Variants in PEX5L observed in about 807,000 individuals in gnomAD.
PEX5L encodes the protein PEX5-related protein.
A neutral mutation model predicts 84.0 loss-of-function variants in PEX5L; 30 were observed. The ratio of observed to expected loss-of-function variants is 0.36; its 90% confidence interval spans 0.27 to 0.48. PEX5L has a LOEUF of 0.48. Among genes scored for constraint, PEX5L ranks in the 20% least tolerant of loss-of-function variants. The pLI is 0.99. For missense variants in PEX5L, 533 were observed against 754.6 expected (o/e 0.71, Z 3.44); for synonymous variants, 270 against 283.1 (o/e 0.95, Z 0.46).
At chr3:179,888,119 C>T (rs1052326842) in intron 3 of PEX5L, 3 of 1,290,236 alleles carry the variant, frequency 2.3e-6, no homozygotes, top group Non-Finnish European at 3.0e-6. Flanking sequence ...CCACTCCTCA[C>T]CTGGACAAAA....
In PEX5L at chr3:179,973,910, G is replaced by A. The variant is rs1039418798; in HGVS notation, c.22-2245C>T. 5 of 985,266 alleles carry A rather than the reference G, an allele frequency of 5.1e-6. No individual in the cohort carries two copies. The African/African-American group carries it at 7.0e-5, about 14-fold the overall frequency. 61.0% of individuals were successfully genotyped at this position (985,266 alleles called of 1,614,324 possible). On this transcript the variant is annotated intron_variant, in intron 1 of 14. Transcript: ENST00000467460. The stretch of plus-strand genomic sequence containing the variant: ...ACAGCACACAACAGTACACAAAGCT[G>A]GAGCCTTACAGTTTTACTCTAGAAT...
intron 3 of PEX5L, among the ~76,000 whole-genome samples, chr3:179,888,426 T>C (rs1255594251): frequency 1.3e-5 from 2 of 152,222 alleles, no homozygotes. Context: ...TTGTAAAATA[T>C]ATCTCGGTAG....
chr3:179,869,307 G>A (rs1041507094), intron 7 of PEX5L, among the ~76,000 whole-genome samples: 1 of 152,174 alleles, frequency 6.6e-6, no homozygotes, highest in African/African-American at 2.4e-5. Context: ...TAACCTATTT[G>A]TGGAGAAGGG....
chr3:179,874,132 CATAT>C lies in PEX5L; in HGVS notation c.726+191_726+194del, dbSNP rs10641654. 4.4e-3 allele frequency among the ~76,000 whole-genome samples: 652 copies of C among 149,604 alleles called. 2 individuals carry two copies. Among genetic ancestry groups the C allele is most frequent in the Non-Finnish European group, 6.9e-3 (464 of 67,430 alleles). The stretch of plus-strand genomic sequence containing the variant: ...TTTTCCAGCCAAATGTGTAGATATA[CATAT>C]ATATATATATATACACACACACCTA... On this transcript the variant is annotated intron_variant, in intron 7 of 14. Transcript: ENST00000467460.
chr3:179,824,517 C>A (rs1319931419), intron 8 of PEX5L, among the ~76,000 whole-genome samples: 2 of 151,952 alleles, frequency 1.3e-5, no homozygotes, highest in African/African-American at 2.4e-5. Flanking sequence ...ACCGGCCTGA[C>A]CAACATGGAG....
chr3:179,940,459 C>A (rs1412621418), intron 2 of PEX5L, among the ~76,000 whole-genome samples: 2 of 152,070 alleles, frequency 1.3e-5, no homozygotes, highest in African/African-American at 4.8e-5. Flanking sequence ...GAGAGACTTT[C>A]TGCATGAAGT....
At chr3:179,979,032 T>G (rs1288268071) in intron 1 of PEX5L, among the ~76,000 whole-genome samples, 1 of 152,184 alleles carries the variant, frequency 6.6e-6, no homozygotes, top group Non-Finnish European at 1.5e-5. Context: ...TAATCACCTC[T>G]GGTACCTGCA....
chr3:179,903,401 A>T (rs1348923770), intron 2 of PEX5L, among the ~76,000 whole-genome samples: 1 of 151,940 alleles, frequency 6.6e-6, no homozygotes, highest in Admixed American at 6.6e-5. Context: ...AATTTAAAAA[A>T]ATTTTTTTCT....
intron 3 of PEX5L, among the ~76,000 whole-genome samples, chr3:179,895,175 CA>C (rs923084082): frequency 2.0e-5 from 3 of 151,984 alleles, no homozygotes; most frequent in African/African-American, 7.2e-5. Flanking sequence ...GCCAATATAT[CA>C]AAAAATCCAA....
At chr3:179,855,094 G>C (rs1743396721) in intron 8 of PEX5L, among the ~76,000 whole-genome samples, 1 of 152,130 alleles carries the variant, frequency 6.6e-6, no homozygotes, top group Non-Finnish European at 1.5e-5. Flanking sequence ...CTTGGGTGTG[G>C]GAGAGGAACA....
chr3:179,868,858 G>A (rs1749290394), intron 7 of PEX5L, among the ~76,000 whole-genome samples: 1 of 152,048 alleles, frequency 6.6e-6, no homozygotes, highest in Non-Finnish European at 1.5e-5. Flanking sequence ...CCTCAAGATG[G>A]TATATAAGCT....
At chr3:179,858,466 C>T (rs1030871111) in intron 8 of PEX5L, among the ~76,000 whole-genome samples, 1 of 151,360 alleles carries the variant, frequency 6.6e-6, no homozygotes, top group Non-Finnish European at 1.5e-5. Context: ...CTCTCTCTTT[C>T]TTATTAGAAG....
chr3:179,987,259 CCTTCCTTT>C (rs1226205920), intron 1 of PEX5L, among the ~76,000 whole-genome samples: 3 of 149,826 alleles, frequency 2.0e-5, no homozygotes, highest in Non-Finnish European at 3.0e-5. Context: ...TCCCTTCCTT[CCTTCCTTT>C]CTTCCTTCCT....
intron 1 of PEX5L, among the ~76,000 whole-genome samples, chr3:179,987,321 C>T (rs1049602973): frequency 6.6e-6 from 1 of 151,324 alleles, no homozygotes; most frequent in African/African-American, 2.4e-5. Flanking sequence ...TCCCTCTCTC[C>T]CTCTCCCCAT....
intron 2 of PEX5L, among the ~76,000 whole-genome samples, chr3:179,964,449 G>A (rs1002162301): frequency 2.0e-5 from 3 of 152,082 alleles, no homozygotes; most frequent in African/African-American, 7.2e-5. Context: ...TTGACAAATG[G>A]GACCTAATTA....
chr3:179,900,680 G>T, intron 2 of PEX5L: 1 of 1,534,944 alleles, frequency 6.5e-7, no homozygotes, highest in African/African-American at 1.4e-5. Flanking sequence ...CAAAGCCAGG[G>T]TCAGGTCACT....
At chr3:179,985,881 C>T (rs919743457) in intron 1 of PEX5L, among the ~76,000 whole-genome samples, 8 of 152,108 alleles carry the variant, frequency 5.3e-5, no homozygotes, top group African/African-American at 1.7e-4. Flanking sequence ...GTGGAGGCCG[C>T]ACTCGGGCTA....
At chr3:179,890,955 A>C (rs1285984688) in intron 3 of PEX5L, among the ~76,000 whole-genome samples, 1 of 150,476 alleles carries the variant, frequency 6.6e-6, no homozygotes, top group Non-Finnish European at 1.5e-5. Flanking sequence ...CTGCTTTACC[A>C]AAGGTAAAAA....
At chr3:179,838,198 C>T (rs3774233) in intron 8 of PEX5L, among the ~76,000 whole-genome samples, 37,590 of 152,010 alleles carry the variant, frequency 0.25, 4,761 homozygotes, top group African/African-American at 0.27. Flanking sequence ...GTACTAATAA[C>T]GTTTTTTTCC....
Sources: gnomAD v4.1 joint callset for allele counts (sites outside exome capture counted in the v4.1 genomes callset) on GRCh38, gnomAD v4.1.1 for gene constraint, MANE v1.5 for transcripts, NCBI Gene and HGNC (gene_info 2026-07-23, HGNC 2026-07-21) for gene names.